SMARCAD1: variants seen among roughly 807,000 people sequenced by gnomAD.
SMARCAD1 encodes SWI/SNF-related matrix-associated actin-dependent regulator of chromatin subfamily A containing DEAD/H box 1.
SMARCAD1 carries 25 observed loss-of-function variants against 127.1 expected under a neutral mutation model. The ratio of observed to expected loss-of-function variants is 0.20; its 90% CI spans 0.14 to 0.27. SMARCAD1 has a LOEUF of 0.27. Among genes scored for constraint, SMARCAD1 ranks in the 10% least tolerant of loss-of-function variants. The probability of loss-of-function intolerance (pLI) is 1.00; values close to 1 mark genes in which losing one functional copy is unlikely to be tolerated. For synonymous variants in SMARCAD1, 400 were observed against 396.9 expected (o/e 1.01, Z -0.09); for missense variants, 807 against 1,206.0 (o/e 0.67, Z 4.90).
intron 14 of SMARCAD1, among the ~76,000 whole-genome samples, chr4:94,275,702 A>G (rs993731455): frequency 6.6e-6 from 1 of 152,124 alleles, no homozygotes; most frequent in African/African-American, 2.4e-5. Context: ...TTATTAAAAT[A>G]TAACACTTCA....
intron 16 of SMARCAD1, among the ~76,000 whole-genome samples, 172 bp downstream of exon 16, chr4:94,277,331 G>T (rs1267777319): frequency 6.6e-6 from 1 of 152,098 alleles, no homozygotes; most frequent in Non-Finnish European, 1.5e-5. Context: ...AATATAATGG[G>T]AAAGAAAATA....
At chr4:94,231,033 A>T (rs1241287506) in intron 3 of SMARCAD1, among the ~76,000 whole-genome samples, 1 of 152,228 alleles carries the variant, frequency 6.6e-6, no homozygotes, top group African/African-American at 2.4e-5. Flanking sequence ...AAAAGACATT[A>T]TTGTCCTTAG....
chr4:94,234,448 A>T (rs1400308450), intron 4 of SMARCAD1, among the ~76,000 whole-genome samples: 5 of 152,176 alleles, frequency 3.3e-5, no homozygotes, highest in African/African-American at 1.2e-4. Flanking sequence ...GAACCACCTC[A>T]CACAACTGTG....
At chr4:94,259,584 A>G (rs1475295227) in intron 9 of SMARCAD1, among the ~76,000 whole-genome samples, 1 of 152,144 alleles carries the variant, frequency 6.6e-6, no homozygotes, top group Non-Finnish European at 1.5e-5. Flanking sequence ...CAAAAAGTGA[A>G]GTTCAGTTAA....
At chr4:94,248,407 T>C in intron 6 of SMARCAD1, 3 of 453,420 alleles carry the variant, frequency 6.6e-6, no homozygotes, top group Middle Eastern at 3.3e-4. Flanking sequence ...TAGAGTTAGA[T>C]ACTTGGATCT....
chr4:94,262,749 C>T (rs1321951923), intron 9 of SMARCAD1, among the ~76,000 whole-genome samples: 3 of 151,816 alleles, frequency 2.0e-5, no homozygotes, highest in African/African-American at 7.3e-5. Flanking sequence ...GTGATGAGTG[C>T]CCATGAACTT....
intron 22 of SMARCAD1, among the ~76,000 whole-genome samples, chr4:94,284,672 A>G (rs1393500414): frequency 6.6e-6 from 1 of 151,320 alleles, no homozygotes; most frequent in Non-Finnish European, 1.5e-5. Context: ...GCCTCAAGCA[A>G]TCCACCTGCC....
At chr4:94,286,257 C>G (rs1447188727) in intron 23 of SMARCAD1, among the ~76,000 whole-genome samples, 1 of 152,136 alleles carries the variant, frequency 6.6e-6, no homozygotes, top group African/African-American at 2.4e-5. Context: ...TGCCTGTTTT[C>G]AGCAGCCTCT....
chr4:94,282,100 G>GGT (rs1754135240), intron 21 of SMARCAD1, among the ~76,000 whole-genome samples: 2 of 74,960 alleles, frequency 2.7e-5, no homozygotes, highest in Non-Finnish European at 4.5e-5. Flanking sequence ...ACGTTTTTTT[G>GGT]TTTTTTTTTT....
chr4:94,266,100 C>T (rs1252853476), intron 10 of SMARCAD1, among the ~76,000 whole-genome samples: 1 of 151,772 alleles, frequency 6.6e-6, no homozygotes, highest in African/African-American at 2.4e-5. Flanking sequence ...GATGCAGTTC[C>T]CACAAAGAAG....
In SMARCAD1 at chr4:94,208,346, A is replaced by G. The variant is rs1380471980; in HGVS notation, c.-49A>G. 12 of 1,575,376 alleles carry G rather than the reference A, an allele frequency of 7.6e-6. No homozygotes were observed. Among genetic ancestry groups the G allele is most frequent in the East Asian group, 2.2e-5 (1 of 44,654 alleles). The stretch of plus-strand genomic sequence containing the variant: ...TCCTCTCTTTATTTTTCCCCTGCAG[A>G]TAGTTCATTTAAAGCCCCCATCCCT... On this transcript the variant is annotated splice_region_variant and 5_prime_UTR_variant, in exon 2 of 24. Coordinates refer to ENST00000354268, the MANE Select transcript of SMARCAD1 (RefSeq NM_020159.5).
chr4:94,287,671 A>C (rs1243492865), intron 23 of SMARCAD1, among the ~76,000 whole-genome samples: 1 of 152,204 alleles, frequency 6.6e-6, no homozygotes, highest in Admixed American at 6.5e-5. Flanking sequence ...GATTCTGATA[A>C]AGCTAAAATC....
chr4:94,241,873 G>C (rs572969575), intron 6 of SMARCAD1, among the ~76,000 whole-genome samples: 1 of 152,288 alleles, frequency 6.6e-6, no homozygotes, highest in East Asian at 1.9e-4. Context: ...GGCCTATTGA[G>C]CAGGCATTCA....
intron 3 of SMARCAD1, among the ~76,000 whole-genome samples, 193 bp from the exon 4 acceptor site, chr4:94,233,761 T>C (rs1410525690): frequency 6.6e-6 from 1 of 152,108 alleles, no homozygotes; most frequent in Non-Finnish European, 1.5e-5. Flanking sequence ...TGTATACTGA[T>C]GTTGGTAATG....
chr4:94,272,476 A>G (rs1243502811), intron 11 of SMARCAD1, among the ~76,000 whole-genome samples: 1 of 152,240 alleles, frequency 6.6e-6, no homozygotes, highest in Non-Finnish European at 1.5e-5. Flanking sequence ...ACTACTACCC[A>G]GAGAAGCTTT....
chr4:94,227,166 T>A (rs1745157610), intron 3 of SMARCAD1, among the ~76,000 whole-genome samples: 1 of 152,082 alleles, frequency 6.6e-6, no homozygotes, highest in African/African-American at 2.4e-5. Context: ...GGGAATATCA[T>A]GTTCAGTGAC....
intron 11 of SMARCAD1, among the ~76,000 whole-genome samples, chr4:94,271,168 T>G (rs942865657): frequency 1.3e-5 from 2 of 152,254 alleles, no homozygotes; most frequent in African/African-American, 4.8e-5. Context: ...GCAGATGTTG[T>G]GTATGTACAT....
At chr4:94,253,653 A>C (rs1749625031) in intron 9 of SMARCAD1, 1 of 1,029,034 alleles carries the variant, frequency 9.7e-7, no homozygotes, top group Non-Finnish European at 1.2e-6. Context: ...CGTTAGGTGA[A>C]GGGAAGGCAT....
At chr4:94,275,899 G>A (rs953864689) in intron 14 of SMARCAD1, among the ~76,000 whole-genome samples, 22 of 149,272 alleles carry the variant, frequency 1.5e-4, no homozygotes, top group African/African-American at 4.5e-4. Context: ...CCGGGTTCAC[G>A]CCATTCTCCT....
Sources: gnomAD v4.1 joint callset for allele counts (sites outside exome capture counted in the v4.1 genomes callset) on GRCh38, gnomAD v4.1.1 for gene constraint, MANE v1.5 for transcripts, NCBI Gene and HGNC (gene_info 2026-07-23, HGNC 2026-07-21) for gene names.